Variants in NOTCH2NLA observed in about 807,000 individuals in gnomAD.
NOTCH2NLA encodes notch homolog 2 N-terminal-like protein A.
At position 146,172,475 on chromosome 1, in the gene NOTCH2NLA, A is replaced by C. The variant is rs1434016500; in HGVS notation, c.39-7465T>G. ...CAATCATCTAACCATCTTACTCTTT[A>C]GTAATCCATAACTCGAACACTCCAT... On this transcript the variant is annotated intron_variant, in intron 2 of 4. Transcript: ENST00000362074. Among the ~76,000 whole-genome samples, 7 of 151,278 alleles carry C rather than the reference A, an allele frequency of 4.6e-5. No individual in the cohort carries two copies. The East Asian group carries it at 1.4e-3, about 29-fold the overall frequency.
chr1:146,158,158 T>C (rs1233459431), intron 3 of NOTCH2NLA, among the ~76,000 whole-genome samples: 1 of 151,930 alleles, frequency 6.6e-6, no homozygotes, highest in Non-Finnish European at 1.5e-5. Context: ...AAGAACTCCT[T>C]GAATTTTTAT....
Position 146,185,543 on chromosome 1 carries a change from T to G in NOTCH2NLA, c.38+3757A>C, listed in dbSNP as rs61815745. On this transcript the variant is annotated intron_variant, in intron 2 of 4. Transcript: ENST00000362074. The stretch of plus-strand genomic sequence containing the variant: ...GCTCCTAACACTGAGAAAAAACAGT[T>G]GAGCTGAGTACAAAACTAATCTTCA... 2.8e-4 allele frequency among the ~76,000 whole-genome samples: 38 copies of G among 136,788 alleles called. 4 individuals carry two copies. Among genetic ancestry groups the G allele is most frequent in the East Asian group, 1.0e-3 (5 of 4,954 alleles). 89.7% of individuals were successfully genotyped at this position (136,788 alleles called of 152,430 possible).
chr1:146,228,716 G>A (rs782760169), exon 1 of NOTCH2NLA: 2 of 1,550,592 alleles, frequency 1.3e-6, no homozygotes, highest in South Asian at 1.2e-5. Flanking sequence ...CACCATGCGC[G>A]GGGGTCGCGC....
intron 2 of NOTCH2NLA, among the ~76,000 whole-genome samples, chr1:146,185,391 G>A (rs1662711002): frequency 7.4e-6 from 1 of 135,072 alleles, no homozygotes; most frequent in East Asian, 2.0e-4. Flanking sequence ...TTATCTCCCT[G>A]TAGTGAGAGG....
At chr1:146,195,082 A>G (rs1553812323) in intron 1 of NOTCH2NLA, among the ~76,000 whole-genome samples, 1 of 110,248 alleles carries the variant, frequency 9.1e-6, no homozygotes, top group African/African-American at 4.0e-5. Context: ...CTCTCAATTC[A>G]GCACTACAGG....
intron 1 of NOTCH2NLA, among the ~76,000 whole-genome samples, chr1:146,208,464 TACAA>T (rs1553815551): frequency 2.4e-5 from 2 of 82,982 alleles, no homozygotes; most frequent in African/African-American, 4.8e-5. Flanking sequence ...ACTGAAATTC[TACAA>T]ACAAAGGGGT....
intron 1 of NOTCH2NLA, chr1:146,225,740 TG>T (rs1267840468): frequency 9.7e-5 from 1 of 10,350 alleles, no homozygotes; most frequent in Non-Finnish European, 2.2e-4. Flanking sequence ...TCAGAATCCC[TG>T]GGTGCTGAGT....
At chr1:146,198,813 A>T (rs1663292790) in intron 1 of NOTCH2NLA, among the ~76,000 whole-genome samples, 1 of 81,560 alleles carries the variant, frequency 1.2e-5, no homozygotes, top group African/African-American at 4.2e-5. Context: ...TTTTTTTGAG[A>T]TGGAGTCTCG....
chr1:146,152,896 CTT>C (rs1327567010), downstream of NOTCH2NLA: 3 of 150,722 alleles, frequency 2.0e-5, no homozygotes, highest in Admixed American at 1.3e-4. Flanking sequence ...TTAATTCCCT[CTT>C]GAGTCCTACA....
In NOTCH2NLA at chr1:146,174,782, G is replaced by A. The variant is rs377167224; in HGVS notation, c.39-9772C>T. Among the ~76,000 whole-genome samples, 295 of 141,486 alleles carry A rather than the reference G, an allele frequency of 2.1e-3. 4 individuals carry two copies. The highest frequency in any genetic ancestry group is 6.2e-3 in the African/African-American group (254 of 40,688). 92.8% of individuals were successfully genotyped at this position (141,486 alleles called of 152,430 possible). On this transcript the variant is annotated intron_variant, in intron 2 of 4. Coordinates refer to ENST00000362074, the Ensembl canonical transcript of NOTCH2NLA. ...CTGAGCTCTAGAGGGGGGAGCTGTC[G>A]TTAAGGTAAATGAGGTAAGGGCAGG...
At chr1:146,177,895 TC>T (rs1450449742) in intron 2 of NOTCH2NLA, among the ~76,000 whole-genome samples, 1 of 140,418 alleles carries the variant, frequency 7.1e-6, no homozygotes, top group Non-Finnish European at 1.6e-5. Context: ...TTGACCACTG[TC>T]CCACTCCAAG....
chr1:146,159,285 G>C (rs1229159677), intron 3 of NOTCH2NLA, among the ~76,000 whole-genome samples: 3 of 150,756 alleles, frequency 2.0e-5, no homozygotes, highest in African/African-American at 7.3e-5. Flanking sequence ...TCGAACCCAA[G>C]AGGTGGAGGT....
intron 2 of NOTCH2NLA, among the ~76,000 whole-genome samples, chr1:146,187,177 C>T (rs2596099): frequency 3.9e-5 from 5 of 129,538 alleles, no homozygotes; most frequent in East Asian, 2.1e-4. Context: ...TGGCTTCCAG[C>T]TTCATCCATG....
intron 2 of NOTCH2NLA, among the ~76,000 whole-genome samples, chr1:146,177,776 AG>A (rs1479574661): frequency 9.6e-5 from 13 of 134,962 alleles, no homozygotes; most frequent in African/African-American, 3.3e-4. Flanking sequence ...TGACCTCCTA[AG>A]TGTGATGACT....
intron 2 of NOTCH2NLA, among the ~76,000 whole-genome samples, chr1:146,185,680 G>T (rs1323610817): frequency 7.7e-6 from 1 of 129,574 alleles, no homozygotes; most frequent in Non-Finnish European, 1.8e-5. Flanking sequence ...TAAACAGATA[G>T]TCAGATTCCT....
intron 3 of NOTCH2NLA, among the ~76,000 whole-genome samples, chr1:146,162,292 C>T (rs587670607): frequency 5.4e-5 from 8 of 148,274 alleles, no homozygotes; most frequent in Middle Eastern, 3.4e-3. Flanking sequence ...AGTTGTACTA[C>T]ATCAGGTGTA....
chr1:146,178,481 AAAG>A lies in NOTCH2NLA; in HGVS notation c.38+10816_38+10818del, dbSNP rs1473194430. Among the ~76,000 whole-genome samples the A allele has an allele frequency of 2.3e-5, 2 of 86,192 alleles. 1 individual carries two copies. Among genetic ancestry groups the A allele is most frequent in the Non-Finnish European group, 5.6e-5 (2 of 35,634 alleles). 56.5% of individuals were successfully genotyped at this position (86,192 alleles called of 152,430 possible). A position where few individuals can be genotyped will look rare whatever the true frequency, so the allele number is the denominator to read the frequency against. Reference sequence around the variant, plus strand: ...ATCATCAATTCTTATAAAATTTAGAAAAGAATAGGTGATGTCTCCTAATTAGAG... The same window carrying A: ...ATCATCAATTCTTATAAAATTTAGAAAATAGGTGATGTCTCCTAATTAGAG... On this transcript the variant is annotated intron_variant, in intron 2 of 4. Coordinates refer to ENST00000362074, the Ensembl canonical transcript of NOTCH2NLA.
At chr1:146,154,054 CACACAT>C (rs1254702853), downstream of NOTCH2NLA, 33 of 98,002 alleles carry the variant, frequency 3.4e-4, no homozygotes, top group African/African-American at 1.1e-3. Context: ...CACACACACA[CACACAT>C]ATTGATATGT....
chr1:146,219,806 A>AT (rs143486169), intron 1 of NOTCH2NLA, among the ~76,000 whole-genome samples: 10,203 of 88,458 alleles, frequency 0.12, 2,584 homozygotes, highest in Non-Finnish European at 0.15. Context: ...AAAAAAAAAA[A>AT]ATATATATAT....
Sources: allele counts gnomAD v4.1 joint callset (sites outside exome capture counted in the v4.1 genomes callset), GRCh38; gene constraint gnomAD v4.1.1; transcripts MANE v1.5; gene names NCBI Gene and HGNC (gene_info 2026-07-23, HGNC 2026-07-21).